SYNE2: variants seen among roughly 807,000 people sequenced by gnomAD.
SYNE2 encodes the protein spectrin repeat containing nuclear envelope protein 2, also known as nesprin-2.
Under a neutral mutation model 856.3 loss-of-function variants are expected in SYNE2, and 431 were observed. That is an observed-to-expected ratio of 0.50 (90% CI 0.47 to 0.55). The LOEUF is 0.55. SYNE2 is among the 20% of genes least tolerant of loss of function. The probability of loss-of-function intolerance (pLI) is 0.00; values close to 1 mark genes in which losing one functional copy is unlikely to be tolerated. For missense variants in SYNE2, 8,129 were observed against 8,023.2 expected (o/e 1.01, Z -0.50); for synonymous variants, 2,923 against 2,872.3 (o/e 1.02, Z -0.56).
At chr14:63,825,707 C>T (rs1402843356) in intron 1 of SYNE2, among the ~76,000 whole-genome samples, 1 of 152,028 alleles carries the variant, frequency 6.6e-6, no homozygotes, top group Non-Finnish European at 1.5e-5. Flanking sequence ...AACCCCGTCT[C>T]TACTAAAAAA....
rs148722351 is a variant in SYNE2 at position 64,194,556 on chromosome 14, C to T, written c.18038+4319C>T. Among the ~76,000 whole-genome samples the T allele has an allele frequency of 5.4e-3, 816 of 152,326 alleles. 8 individuals carry two copies. The highest frequency in any genetic ancestry group is 0.019 in the African/African-American group (778 of 41,576). On this transcript the variant is annotated intron_variant, in intron 99 of 115. Transcript: ENST00000555002. ...CTGGGCTCAAGTTATCCTCCCACCT[C>T]TGCCTCCCAAAGTGCTGGAATTACA...
At chr14:64,027,453 T>G (rs747751337) in intron 42 of SYNE2, 31 bp from the exon 43 acceptor site, 6 of 1,455,222 alleles carry the variant, frequency 4.1e-6, no homozygotes, top group Middle Eastern at 2.4e-4. Context: ...CTAAATATCA[T>G]TTAATTTATA....
At chr14:63,958,272 C>T (rs1020942934) in intron 8 of SYNE2, among the ~76,000 whole-genome samples, 3 of 152,008 alleles carry the variant, frequency 2.0e-5, no homozygotes, top group African/African-American at 7.2e-5. Context: ...TGACTTTTTT[C>T]TCTTTCAATA....
intron 89 of SYNE2, among the ~76,000 whole-genome samples, chr14:64,164,087 CTTAT>C (rs59794233): frequency 0.2 from 27,858 of 137,560 alleles, 3,273 homozygotes; most frequent in East Asian, 0.35. Flanking sequence ...GCCTGGCTTG[CTTAT>C]TTATTTATTT....
intron 1 of SYNE2, among the ~76,000 whole-genome samples, chr14:63,767,562 G>A (rs1415963801): frequency 2.6e-4 from 39 of 152,160 alleles, no homozygotes; most frequent in Non-Finnish European, 3.4e-4. Context: ...TTGGGATGCC[G>A]TGGCCACACT....
At chr14:63,912,309 G>C (rs963417440) in intron 2 of SYNE2, among the ~76,000 whole-genome samples, 1 of 152,020 alleles carries the variant, frequency 6.6e-6, no homozygotes, top group Non-Finnish European at 1.5e-5. Context: ...ATTTCTAAAG[G>C]CACCTTTGCT....
At chr14:63,880,871 G>T (rs555029467) in intron 1 of SYNE2, among the ~76,000 whole-genome samples, 1 of 151,378 alleles carries the variant, frequency 6.6e-6, no homozygotes, top group East Asian at 1.9e-4. Flanking sequence ...TTTTGAGACG[G>T]AGTCTTGCTC....
At chr14:64,185,117 T>C (rs1349750584) in intron 96 of SYNE2, among the ~76,000 whole-genome samples, 1 of 152,068 alleles carries the variant, frequency 6.6e-6, no homozygotes, top group African/African-American at 2.4e-5. Flanking sequence ...AATTAGCCAG[T>C]TGTGGTGGTG....
chr14:63,963,087 T>G (rs1392113767), intron 9 of SYNE2, among the ~76,000 whole-genome samples: 1 of 152,192 alleles, frequency 6.6e-6, no homozygotes, highest in Non-Finnish European at 1.5e-5. Context: ...ATTTGACAAA[T>G]TGGGCCTGTG....
chr14:64,133,114 G>A (rs975021461), intron 77 of SYNE2, among the ~76,000 whole-genome samples: 1 of 151,990 alleles, frequency 6.6e-6, no homozygotes, highest in South Asian at 2.1e-4. Context: ...GCTGAGGCAG[G>A]AGAATGGCGT....
At chr14:63,800,601 TC>T (rs1209557862) in intron 1 of SYNE2, among the ~76,000 whole-genome samples, 2 of 152,172 alleles carry the variant, frequency 1.3e-5, no homozygotes, top group East Asian at 3.8e-4. Flanking sequence ...TAATAATACT[TC>T]AGTTCAAAAA....
At chr14:63,966,566 T>A (rs993560980) in intron 10 of SYNE2, among the ~76,000 whole-genome samples, 2 of 150,094 alleles carry the variant, frequency 1.3e-5, no homozygotes, top group Non-Finnish European at 3.0e-5. Context: ...AACTCTTTTT[T>A]TTCCCCCCCC....
chr14:63,972,438 T>G (rs1447136946), intron 11 of SYNE2, among the ~76,000 whole-genome samples: 1 of 152,214 alleles, frequency 6.6e-6, no homozygotes, highest in Non-Finnish European at 1.5e-5. Context: ...GCTCAGTTTC[T>G]TGGTGTGGCA....
At chr14:63,907,099 GT>G (rs1252332276) in intron 1 of SYNE2, among the ~76,000 whole-genome samples, 3 of 152,220 alleles carry the variant, frequency 2.0e-5, no homozygotes, top group Admixed American at 2.0e-4. Flanking sequence ...GCTCCTGACA[GT>G]CACATCCATC....
chr14:64,088,726 C>T (rs781525704), intron 58 of SYNE2, among the ~76,000 whole-genome samples: 20 of 152,134 alleles, frequency 1.3e-4, no homozygotes, highest in Non-Finnish European at 2.4e-4. Flanking sequence ...TGGCTTGAAA[C>T]ATCAGAAGCA....
In SYNE2 at chr14:64,139,970, A is replaced by C; in HGVS notation, c.14873A>C (p.Lys4958Thr). Reference protein sequence around the residue: ...SYNRDSDQLTKWLESSQHTLN... With the variant: ...SYNRDSDQLTTWLESSQHTLN... ...AACAGAGATTCGGATCAGTTAACCAAGTGGTTGGAATCTTCCCAGCATACT... is the reference window on the plus strand; with the variant it reads ...AACAGAGATTCGGATCAGTTAACCACGTGGTTGGAATCTTCCCAGCATACT... Residue 4958 changes from lysine (K) to threonine (T), a missense_variant, in exon 80 of 116, where the codon AAG becomes ACG. Transcript: ENST00000555002. 6.2e-7 allele frequency: 1 copy of C among 1,614,040 alleles called. No individual in the cohort carries two copies. The highest frequency in any genetic ancestry group is 8.5e-7 in the Non-Finnish European group (1 of 1,179,978).
chr14:63,886,323 T>G (rs1489210241), intron 1 of SYNE2, among the ~76,000 whole-genome samples: 1 of 152,194 alleles, frequency 6.6e-6, no homozygotes, highest in African/African-American at 2.4e-5. Context: ...TCTTTTGGCT[T>G]TATGATCTTC....
intron 11 of SYNE2, among the ~76,000 whole-genome samples, chr14:63,970,288 AAGCCATCCGCCTGTCTC>A (rs1305303835): frequency 1.3e-5 from 2 of 152,142 alleles, no homozygotes; most frequent in Non-Finnish European, 2.9e-5. Flanking sequence ...TCCTAGGCTC[AAGCCATCCGCCTGTCTC>A]AGCCTCCCAA....
At position 64,146,156 on chromosome 14, in the gene SYNE2, A is replaced by G. The variant is rs1392467818; in HGVS notation, c.15572A>G (p.Glu5191Gly). 12 of 1,612,900 alleles carry G rather than the reference A, an allele frequency of 7.4e-6. No homozygotes were observed. The highest frequency in any genetic ancestry group is 3.3e-4 in the Middle Eastern group (2 of 6,082). ...AACAACTGGCTGGAAGCACAAGAAGAGAGACTGAAAACTTTACAAAAACCT... is the reference window on the plus strand; with the variant it reads ...AACAACTGGCTGGAAGCACAAGAAGGGAGACTGAAAACTTTACAAAAACCT... Reference protein sequence around the residue: ...ILNNWLEAQEERLKTLQKPES... With the variant: ...ILNNWLEAQEGRLKTLQKPES... The change falls in exon 84 of 116, where the codon GAG becomes GGG. Residue 5191 changes from glutamate (E) to glycine (G), a missense_variant. Physicochemically the swap from Glu to Gly is moderately conservative, Grantham distance 98. Around this residue, in one of 3 missense-constraint regions of SYNE2, gnomAD observed 5,410 missense variants for 5,284.8 expected, o/e 1.02. Transcript: ENST00000555002.
Sources: allele counts gnomAD v4.1 joint callset (sites outside exome capture counted in the v4.1 genomes callset), GRCh38; gene constraint gnomAD v4.1.1; regional missense constraint gnomAD v4.1.1; transcripts MANE v1.5; gene names NCBI Gene and HGNC (gene_info 2026-07-23, HGNC 2026-07-21).